Variants in PCDHB1 observed in about 807,000 individuals in gnomAD.
The protein encoded by PCDHB1 is protocadherin beta 1.
In PCDHB1, 44 loss-of-function variants were observed where a neutral mutation model predicts 43.5. The ratio of observed to expected loss-of-function variants is 1.01; its 90% CI spans 0.79 to 1.30. PCDHB1 has a LOEUF of 1.30. Ranked by LOEUF, PCDHB1 falls within the 50% of genes most tolerant of loss-of-function variation. The pLI is 0.00. For missense variants in PCDHB1, 919 were observed against 1,008.9 expected, an observed-to-expected ratio of 0.91 and a Z score of 1.21; for synonymous variants, 392 against 400.8, an observed-to-expected ratio of 0.98 and a Z score of 0.26.
chr5:141,051,526 T>A lies in PCDHB1; in HGVS notation c.56T>A (p.Ile19Asn), dbSNP rs1554267027. 5 of 1,614,240 alleles carry A rather than the reference T, an allele frequency of 3.1e-6. No individual in the cohort carries two copies. The highest frequency in any genetic ancestry group is 4.2e-6 in the Non-Finnish European group (5 of 1,180,038). The change falls in exon 1 of 1, where the codon ATT becomes AAT. Residue 19 changes from isoleucine (I) to asparagine (N), a missense_variant. Physicochemically the swap from Ile to Asn is moderately radical, Grantham distance 149. Transcript: ENST00000306549. ...LQNRQVGSLL[I>N]FLCISVGDAT... ...AACAGGCAAGTGGGATCTCTTCTCA[T>A]TTTTCTGTGCATATCTGTGGGGGAT...
Position 141,051,568 on chromosome 5 carries a change from A to C in PCDHB1, c.98A>C (p.Tyr33Ser), listed in dbSNP as rs535522046. 1 of 1,614,244 alleles carries C rather than the reference A, an allele frequency of 6.2e-7. No individual in the cohort carries two copies. The highest frequency in any genetic ancestry group is 1.1e-5 in the South Asian group (1 of 91,092). ...GTGGGGGATGCGACAACTATCCGCT[A>C]TTCAGTGGCAGAGGAAATGGAGAGC... ...ISVGDATTIR[Y>S]SVAEEMESGS... The change falls in exon 1 of 1, where the codon TAT (tyrosine) becomes TCT (serine). Residue 33 changes from tyrosine to serine, a missense_variant. By Grantham distance (144) the Tyr-to-Ser change is moderately radical. Transcript: ENST00000306549.
In PCDHB1 at chr5:141,059,256, G is replaced by A. The variant is rs956967024; in HGVS notation, c.*5329G>A. ...ATACTATTTAAAAATAGACTTATAT[G>A]CTGAAATTAGACTTACAGATATACA... On this transcript the variant is annotated 3_prime_UTR_variant, in exon 1 of 1. Coordinates refer to ENST00000306549, the MANE Select transcript of PCDHB1 (RefSeq NM_013340.4). 5 of 152,082 alleles carry A rather than the reference G, an allele frequency of 3.3e-5. No homozygotes were observed. The highest frequency in any genetic ancestry group is 5.9e-5 in the Non-Finnish European group (4 of 67,990). 9.4% of individuals were successfully genotyped at this position (152,082 alleles called of 1,614,324 possible).
rs782637010 is a variant in PCDHB1, at chr5:141,053,322, G to A, written c.1852G>A (p.Val618Ile). The A allele has an allele frequency of 6.2e-7, 1 of 1,614,212 alleles. No homozygotes were observed. The highest frequency in any genetic ancestry group is 1.1e-5 in the South Asian group (1 of 91,084). Reference protein sequence around the residue: ...LKATDLGLFSVQRQNGEIHTL... With the variant: ...LKATDLGLFSIQRQNGEIHTL... Reference sequence around the variant, plus strand: ...GGCCACTGACCTTGGGTTATTTTCTGTTCAAAGACAAAATGGAGAAATCCA... The same window carrying A: ...GGCCACTGACCTTGGGTTATTTTCTATTCAAAGACAAAATGGAGAAATCCA... Residue 618 changes from valine (V) to isoleucine (I), a missense_variant, in exon 1 of 1, where the codon GTT (valine) becomes ATT (isoleucine). Coordinates refer to ENST00000306549, the MANE Select transcript of PCDHB1 (RefSeq NM_013340.4).
chr5:141,055,004 T>A lies in PCDHB1; in HGVS notation c.*1077T>A, dbSNP rs1751101060. 1 of 152,178 alleles carries A rather than the reference T, an allele frequency of 6.6e-6. No individual in the cohort carries two copies. The allele number at this position is 152,178 out of a possible 1,614,324, so 9.4% of individuals were successfully genotyped here. A position where few individuals can be genotyped will look rare whatever the true frequency, so the allele number is the denominator to read the frequency against. The stretch of plus-strand genomic sequence containing the variant: ...AGCCACCACGCCCAGCCAGATTTGA[T>A]TTCTTGATTGTTTGGAGCCATAGGC... On this transcript the variant is annotated 3_prime_UTR_variant, in exon 1 of 1. Coordinates refer to ENST00000306549, the MANE Select transcript of PCDHB1 (RefSeq NM_013340.4).
rs781838912 is a variant in PCDHB1 at position 141,052,016 on chromosome 5, C to T, written c.546C>T (p.Thr182=). The T allele has an allele frequency of 6.2e-7, 1 of 1,614,164 alleles. No individual in the cohort carries two copies. The highest frequency in any genetic ancestry group is 8.5e-7 in the Non-Finnish European group (1 of 1,180,036). The part of the protein sequence containing the change: ...LSANGYFHLH[T]RFCSHGPKYA... ...CCAATGGGTATTTCCACCTGCACAC[C>T]CGCTTCTGCAGCCACGGGCCTAAAT... The change falls in exon 1 of 1, where the codon ACC becomes ACT. Residue 182 remains threonine, a synonymous_variant. Transcript: ENST00000306549.
Position 141,056,622 on chromosome 5 carries a change from G to A in PCDHB1, c.*2695G>A, listed in dbSNP as rs1344489083. 2 of 151,914 alleles carry A rather than the reference G, an allele frequency of 1.3e-5. No individual in the cohort carries two copies. The highest frequency in any genetic ancestry group is 2.1e-4 in the South Asian group (1 of 4,828). 9.4% of individuals were successfully genotyped at this position (151,914 alleles called of 1,614,324 possible). A position where few individuals can be genotyped will look rare whatever the true frequency, so the allele number is the denominator to read the frequency against. Reference sequence around the variant, plus strand: ...ATTTTTATTTATTTATTTATTTTTTGGAGACAAAGTCTTGCTCTGTCACCC... The same window carrying A: ...ATTTTTATTTATTTATTTATTTTTTAGAGACAAAGTCTTGCTCTGTCACCC... On this transcript the variant is annotated 3_prime_UTR_variant, in exon 1 of 1. Transcript: ENST00000306549.
At position 141,054,452 on chromosome 5, in the gene PCDHB1, T is replaced by C. The variant is rs1389339845; in HGVS notation, c.*525T>C. On this transcript the variant is annotated 3_prime_UTR_variant, in exon 1 of 1. Coordinates refer to ENST00000306549, the MANE Select transcript of PCDHB1 (RefSeq NM_013340.4). ...ATATAGTTTATTATTCAGGAATCTC[T>C]AAATTCTTGTCCCTGATGAGTGATT... 1.3e-5 allele frequency: 2 copies of C among 152,872 alleles called. No homozygotes were observed. The highest frequency in any genetic ancestry group is 4.8e-5 in the African/African-American group (2 of 41,450). 9.5% of individuals were successfully genotyped at this position (152,872 alleles called of 1,614,324 possible).
In PCDHB1 at chr5:141,058,290, A is replaced by T. The variant is rs906917193; in HGVS notation, c.*4363A>T. ...GTTCCTTACTCTTACCTTGTCTATC[A>T]TGACTTGAGATTTTTGAAGAGTACT... On this transcript the variant is annotated 3_prime_UTR_variant, in exon 1 of 1. Transcript: ENST00000306549. 6.6e-6 allele frequency: 1 copy of T among 152,262 alleles called. No homozygotes were observed. The highest frequency in any genetic ancestry group is 1.5e-5 in the Non-Finnish European group (1 of 68,006). 9.4% of individuals were successfully genotyped at this position (152,262 alleles called of 1,614,324 possible). A position where few individuals can be genotyped will look rare whatever the true frequency, so the allele number is the denominator to read the frequency against.
chr5:141,052,903 A>T lies in PCDHB1; in HGVS notation c.1433A>T (p.Asp478Val). Residue 478 changes from aspartate to valine, a missense_variant, in exon 1 of 1, where the codon GAT becomes GTT. Physicochemically the swap from Asp to Val is radical, Grantham distance 152 (BLOSUM62 -3). Coordinates refer to ENST00000306549, the MANE Select transcript of PCDHB1 (RefSeq NM_013340.4). ...TTTATTGGCAAAGTCCATGCTGAGG[A>T]TCTTGATTTGGGTGAGAATGCCCAA... ...AVFIGKVHAEDLDLGENAQIT... is the reference protein window; with the variant it reads ...AVFIGKVHAEVLDLGENAQIT... The T allele has an allele frequency of 1.2e-6, 2 of 1,614,192 alleles. No homozygotes were observed. Among genetic ancestry groups the T allele is most frequent in the South Asian group, 1.1e-5 (1 of 91,090 alleles).
In PCDHB1 at chr5:141,053,767, G is replaced by C. The variant is rs968784240; in HGVS notation, c.2297G>C (p.Ser766Thr). Reference protein sequence around the residue: ...EMCSATGTGNSEFRFLKRFMP... With the variant: ...EMCSATGTGNTEFRFLKRFMP... The stretch of plus-strand genomic sequence containing the variant: ...TGTTCAGCCACTGGCACTGGTAATA[G>C]TGAGTTTCGCTTTCTTAAGCGTTTT... Residue 766 changes from serine to threonine, a missense_variant, in exon 1 of 1, where the codon AGT becomes ACT. Ser to Thr is a moderately conservative substitution (Grantham distance 58). Coordinates refer to ENST00000306549, the MANE Select transcript of PCDHB1 (RefSeq NM_013340.4). 1 of 1,614,216 alleles carries C rather than the reference G, an allele frequency of 6.2e-7. No homozygotes were observed. The highest frequency in any genetic ancestry group is 1.1e-5 in the South Asian group (1 of 91,086).
rs1554267939 is a variant in PCDHB1, at chr5:141,057,614, T to C, written c.*3687T>C. 7.0e-6 allele frequency: 1 copy of C among 143,432 alleles called. No homozygotes were observed. The highest frequency in any genetic ancestry group is 1.6e-5 in the Non-Finnish European group (1 of 64,124). The allele number at this position is 143,432 out of a possible 1,614,324, so 8.9% of individuals were successfully genotyped here. ...GATAACAATCTCATAAAAGAAACCA[T>C]CCTTTAAATTTAAAAAATGTATCGA... On this transcript the variant is annotated 3_prime_UTR_variant, in exon 1 of 1. Transcript: ENST00000306549.
Position 141,052,891 on chromosome 5 carries a change from T to A in PCDHB1, c.1421T>A (p.Val474Asp). The part of the protein sequence containing the change: ...NNSPAVFIGK[V>D]HAEDLDLGEN... ...AGTCCTGCGGTTTTTATTGGCAAAG[T>A]CCATGCTGAGGATCTTGATTTGGGT... Residue 474 changes from valine to aspartate, a missense_variant, in exon 1 of 1, where the codon GTC becomes GAC. Val to Asp is a radical substitution (Grantham distance 152). Transcript: ENST00000306549. The A allele has an allele frequency of 6.2e-7, 1 of 1,614,204 alleles. No homozygotes were observed. Among genetic ancestry groups the A allele is most frequent in the South Asian group, 1.1e-5 (1 of 91,080 alleles).
chr5:141,055,762 A>G lies in PCDHB1; in HGVS notation c.*1835A>G, dbSNP rs1297679828. 6.6e-6 allele frequency: 1 copy of G among 152,246 alleles called. No individual in the cohort carries two copies. Among genetic ancestry groups the G allele is most frequent in the African/African-American group, 2.4e-5 (1 of 41,468 alleles). The allele number at this position is 152,246 out of a possible 1,614,324, so 9.4% of individuals were successfully genotyped here. On this transcript the variant is annotated 3_prime_UTR_variant, in exon 1 of 1. Transcript: ENST00000306549. ...ATTCATAAAATGAAATGGAGTGGGGAGACAACTTAAGCTTCTCTTTGATCA... is the reference window on the plus strand; with the variant it reads ...ATTCATAAAATGAAATGGAGTGGGGGGACAACTTAAGCTTCTCTTTGATCA...
chr5:141,058,765 T>A lies in PCDHB1; in HGVS notation c.*4838T>A, dbSNP rs1751182247. The stretch of plus-strand genomic sequence containing the variant: ...TCCTGTGGCAATTAATATTGTGGCA[T>A]TCTAATGGTGATTTTCTATTTCTCT... On this transcript the variant is annotated 3_prime_UTR_variant, in exon 1 of 1. Coordinates refer to ENST00000306549, the MANE Select transcript of PCDHB1 (RefSeq NM_013340.4). 1 of 152,216 alleles carries A rather than the reference T, an allele frequency of 6.6e-6. No individual in the cohort carries two copies. The highest frequency in any genetic ancestry group is 6.5e-5 in the Admixed American group (1 of 15,270). The allele number at this position is 152,216 out of a possible 1,614,324, so 9.4% of individuals were successfully genotyped here.
rs782638429 is a variant in PCDHB1 at position 141,051,533 on chromosome 5, G to T, written c.63G>T (p.Leu21=). The change falls in exon 1 of 1, where the codon CTG becomes CTT. Residue 21 remains leucine (L), a synonymous_variant. Transcript: ENST00000306549. ...NRQVGSLLIF[L]CISVGDATTI... ...AAGTGGGATCTCTTCTCATTTTTCT[G>T]TGCATATCTGTGGGGGATGCGACAA... is the stretch of plus-strand genomic sequence containing the variant. The T allele has an allele frequency of 1.9e-6, 3 of 1,614,240 alleles. No individual in the cohort carries two copies.
Position 141,051,991 on chromosome 5 carries a change from C to T in PCDHB1, c.521C>T (p.Ala174Val). 1 of 1,614,200 alleles carries T rather than the reference C, an allele frequency of 6.2e-7. No homozygotes were observed. Among genetic ancestry groups the T allele is most frequent in the Non-Finnish European group, 8.5e-7 (1 of 1,180,038 alleles). The change falls in exon 1 of 1, where the codon GCC becomes GTC. Residue 174 changes from alanine (A) to valine (V), a missense_variant. Transcript: ENST00000306549. ...LNGLQNYTLSANGYFHLHTRF... is the reference protein window; with the variant it reads ...LNGLQNYTLSVNGYFHLHTRF... ...GGTCTCCAGAACTACACCCTGAGTG[C>T]CAATGGGTATTTCCACCTGCACACC...
In PCDHB1 at chr5:141,057,063, T is replaced by G. The variant is rs1563797899; in HGVS notation, c.*3136T>G. ...TCAAGGATAGGAAAAGAAAATGGTG[T>G]AGATTCATGATTTTAAGACTTTGAT... On this transcript the variant is annotated 3_prime_UTR_variant, in exon 1 of 1. Coordinates refer to ENST00000306549, the MANE Select transcript of PCDHB1 (RefSeq NM_013340.4). 1 of 152,228 alleles carries G rather than the reference T, an allele frequency of 6.6e-6. No homozygotes were observed. Among genetic ancestry groups the G allele is most frequent in the Non-Finnish European group, 1.5e-5 (1 of 68,036 alleles). The allele number at this position is 152,228 out of a possible 1,614,324, so 9.4% of individuals were successfully genotyped here.
In PCDHB1 at chr5:141,055,542, A is replaced by G. The variant is rs2154005678; in HGVS notation, c.*1615A>G. 6.6e-6 allele frequency: 1 copy of G among 152,378 alleles called. No individual in the cohort carries two copies. The highest frequency in any genetic ancestry group is 1.9e-4 in the East Asian group (1 of 5,194). The allele number at this position is 152,378 out of a possible 1,614,324, so 9.4% of individuals were successfully genotyped here. On this transcript the variant is annotated 3_prime_UTR_variant, in exon 1 of 1. Transcript: ENST00000306549. The stretch of plus-strand genomic sequence containing the variant: ...TAAGTGTACACAACATTTATTGTAA[A>G]CCATTTTGTAGTTTGTAGAGCAAAT...
chr5:141,055,269 C>A lies in PCDHB1; in HGVS notation c.*1342C>A, dbSNP rs1751109284. ...CAAAACCCTATCTCTACTAAAAATA[C>A]AAAAATTAGTCAGTCGTGGTGGCAC... On this transcript the variant is annotated 3_prime_UTR_variant, in exon 1 of 1. Coordinates refer to ENST00000306549, the MANE Select transcript of PCDHB1 (RefSeq NM_013340.4). 1 of 152,116 alleles carries A rather than the reference C, an allele frequency of 6.6e-6. No homozygotes were observed. Among genetic ancestry groups the A allele is most frequent in the African/African-American group, 2.4e-5 (1 of 41,360 alleles). The allele number at this position is 152,116 out of a possible 1,614,324, so 9.4% of individuals were successfully genotyped here. A position where few individuals can be genotyped will look rare whatever the true frequency, so the allele number is the denominator to read the frequency against.
Sources: gnomAD v4.1 joint callset for allele counts on GRCh38, gnomAD v4.1.1 for gene constraint, MANE v1.5 for transcripts, NCBI Gene and HGNC (gene_info 2026-07-23, HGNC 2026-07-21) for gene names.